Variants in LIMCH1 observed in about 807,000 individuals in gnomAD.
The protein encoded by LIMCH1 is LIM and calponin homology domains-containing protein 1.
A neutral mutation model predicts 176.5 loss-of-function variants in LIMCH1; 113 were observed. The ratio of observed to expected loss-of-function variants is 0.64; its 90% CI spans 0.55 to 0.75. The LOEUF is 0.75. Among genes scored for constraint, LIMCH1 ranks in the 30% least tolerant of loss-of-function variants. The pLI, the probability that LIMCH1 is intolerant of heterozygous loss-of-function variation, is 0.00. For missense variants in LIMCH1, 1,674 were observed against 1,814.9 expected, an observed-to-expected ratio of 0.92 and a Z score of 1.41; for synonymous variants, 619 against 645.9, an observed-to-expected ratio of 0.96 and a Z score of 0.63.
At chr4:41,685,478 T>C (rs978815981) in intron 27 of LIMCH1, among the ~76,000 whole-genome samples, 1 of 152,232 alleles carries the variant, frequency 6.6e-6, no homozygotes, top group African/African-American at 2.4e-5. Flanking sequence ...AGTACTGTTT[T>C]ATGACATCAG....
chr4:41,605,677 T>C (rs2152769725), intron 3 of LIMCH1, among the ~76,000 whole-genome samples: 1 of 150,434 alleles, frequency 6.6e-6, no homozygotes, highest in Admixed American at 6.6e-5. Flanking sequence ...CTGGAGTCGT[T>C]TTAACTACTC....
intron 15 of LIMCH1, 106 bp from the exon 16 acceptor site, chr4:41,646,017 C>A: frequency 1.7e-6 from 2 of 1,142,912 alleles, no homozygotes; most frequent in Non-Finnish European, 2.5e-6. Context: ...AGTGCCTGGG[C>A]CCATAGTCAG....
intron 3 of LIMCH1, 129 bp from the exon 4 acceptor site, chr4:41,605,765 G>A (rs1373980711): frequency 1.7e-6 from 1 of 581,250 alleles, no homozygotes; most frequent in Non-Finnish European, 3.2e-6. Flanking sequence ...CTCATGGGTG[G>A]TGGTTTTTTA....
chr4:41,360,974 G>C lies in LIMCH1; in HGVS notation c.96+38G>C, dbSNP rs2051903599. ...GGCTGGCGGGCGGCCTTGCACTGGCGCCCTGAGCCACGGACCCGCGCACGC... is the reference window on the plus strand; with the variant it reads ...GGCTGGCGGGCGGCCTTGCACTGGCCCCCTGAGCCACGGACCCGCGCACGC... On this transcript the variant is annotated intron_variant, in intron 1 of 26. Coordinates refer to the LIMCH1 transcript ENST00000313860. This position sits in a 1 kb window ranked among gnomAD's most constrained non-coding sequence, Gnocchi z 4.5. 2.0e-6 allele frequency: 3 copies of C among 1,474,602 alleles called. 1 individual carries two copies. The highest frequency in any genetic ancestry group is 2.5e-5 in the South Asian group (2 of 80,566). 91.3% of individuals were successfully genotyped at this position (1,474,602 alleles called of 1,614,324 possible).
intron 1 of LIMCH1, among the ~76,000 whole-genome samples, chr4:41,388,733 C>G (rs1276252405): frequency 6.6e-6 from 1 of 152,160 alleles, no homozygotes; most frequent in Non-Finnish European, 1.5e-5. Context: ...ACCTCCGCCT[C>G]CCGGGTTCAA....
At chr4:41,477,390 A>G (rs2067908898) in intron 1 of LIMCH1, among the ~76,000 whole-genome samples, 1 of 152,202 alleles carries the variant, frequency 6.6e-6, no homozygotes, top group Non-Finnish European at 1.5e-5. Flanking sequence ...AAGAGAGCTC[A>G]GGCTGGGTGT....
chr4:41,585,052 A>G (rs1053075188), intron 1 of LIMCH1, among the ~76,000 whole-genome samples: 4 of 152,176 alleles, frequency 2.6e-5, no homozygotes, highest in Admixed American at 2.6e-4. Context: ...ATGAGGGCTC[A>G]CCCTCATGAC....
At chr4:41,605,209 A>G (rs887662210) in intron 3 of LIMCH1, among the ~76,000 whole-genome samples, 6 of 152,162 alleles carry the variant, frequency 3.9e-5, no homozygotes, top group Admixed American at 6.5e-5. Flanking sequence ...ACTCATAGAC[A>G]TTCTTAAATA....
chr4:41,447,001 G>C (rs2063349495), intron 1 of LIMCH1, among the ~76,000 whole-genome samples: 1 of 152,198 alleles, frequency 6.6e-6, no homozygotes, highest in Admixed American at 6.5e-5. Flanking sequence ...GGCTGAGGCA[G>C]GCAGATCACT....
intron 1 of LIMCH1, among the ~76,000 whole-genome samples, chr4:41,586,590 T>C (rs549997844): frequency 6.6e-6 from 1 of 152,304 alleles, no homozygotes; most frequent in South Asian, 2.1e-4. Flanking sequence ...AGTGAAGGTA[T>C]TTTTCATTCA....
intron 1 of LIMCH1, among the ~76,000 whole-genome samples, chr4:41,586,477 G>A (rs1682920267): frequency 1.3e-5 from 2 of 152,172 alleles, no homozygotes; most frequent in Admixed American, 6.5e-5. Context: ...GCAATCCACA[G>A]ACCACAGTTT....
At chr4:41,577,115 C>G (rs953146104) in intron 1 of LIMCH1, among the ~76,000 whole-genome samples, 1 of 152,016 alleles carries the variant, frequency 6.6e-6, no homozygotes, top group Non-Finnish European at 1.5e-5. Context: ...ACTTAGGGGT[C>G]CTGGAACCAA....
intron 1 of LIMCH1, among the ~76,000 whole-genome samples, chr4:41,384,492 G>A (rs2056211270): frequency 6.6e-6 from 1 of 152,164 alleles, no homozygotes; most frequent in East Asian, 1.9e-4. Flanking sequence ...ACAGGCGTGA[G>A]CCACCGCGCC....
intron 1 of LIMCH1, among the ~76,000 whole-genome samples, chr4:41,556,463 AGGTCCCT>A (rs1228820580): frequency 1.3e-5 from 2 of 151,964 alleles, no homozygotes; most frequent in Non-Finnish European, 2.9e-5. Flanking sequence ...GCCAGTGTCA[AGGTCCCT>A]GGTTCTACCT....
intron 14 of LIMCH1, among the ~76,000 whole-genome samples, chr4:41,639,227 A>T (rs1585185233): frequency 6.6e-6 from 1 of 152,328 alleles, no homozygotes; most frequent in African/African-American, 2.4e-5. Context: ...GGCATGTTAA[A>T]GTCGTTGTTC....
chr4:41,686,211 A>G (rs939059098), intron 28 of LIMCH1, among the ~76,000 whole-genome samples: 1 of 152,210 alleles, frequency 6.6e-6, no homozygotes, highest in Non-Finnish European at 1.5e-5. Context: ...CTGTAAGGTA[A>G]TTACCTGAGC....
chr4:41,629,231 G>A (rs1300587869), intron 8 of LIMCH1, among the ~76,000 whole-genome samples: 1 of 152,160 alleles, frequency 6.6e-6, no homozygotes, highest in African/African-American at 2.4e-5. Flanking sequence ...AGCAGGCACG[G>A]CTTCTTTTCC....
chr4:41,678,235 C>T (rs1712612613), intron 23 of LIMCH1, among the ~76,000 whole-genome samples: 1 of 147,714 alleles, frequency 6.8e-6, no homozygotes, highest in Non-Finnish European at 1.5e-5. Flanking sequence ...TTTTTCTTTT[C>T]TTTTTTTTTT....
intron 23 of LIMCH1, among the ~76,000 whole-genome samples, chr4:41,678,493 G>T (rs1712926153): frequency 6.6e-6 from 1 of 152,152 alleles, no homozygotes; most frequent in South Asian, 2.1e-4. Flanking sequence ...GGAGAGTTAG[G>T]TGCTCATTCC....
Sources: allele counts gnomAD v4.1 joint callset (sites outside exome capture counted in the v4.1 genomes callset), GRCh38; gene constraint gnomAD v4.1.1; non-coding constraint Gnocchi (gnomAD v3.1); transcripts MANE v1.5; gene names NCBI Gene and HGNC (gene_info 2026-07-23, HGNC 2026-07-21).